The following AGBL4 variants were observed in gnomAD, a reference collection of about 807,000 sequenced individuals.
AGBL4 encodes the protein AGBL carboxypeptidase 4, also known as cytosolic carboxypeptidase 6.
In AGBL4, 58 loss-of-function variants were observed where a neutral mutation model predicts 66.4. The observed-to-expected ratio is 0.87, with a 90% CI of 0.71 to 1.09. AGBL4 has a LOEUF of 1.09. Ranked by LOEUF, AGBL4 falls within the 50% of genes least tolerant of loss-of-function variation. The pLI is 0.00. For missense variants in AGBL4, 579 were observed against 631.0 expected (o/e 0.92, Z 0.88); for synonymous variants, 234 against 222.9 (o/e 1.05, Z -0.44).
At chr1:49,612,165 T>A (rs1645167085) in intron 3 of AGBL4, among the ~76,000 whole-genome samples, 1 of 152,314 alleles carries the variant, frequency 6.6e-6, no homozygotes, top group East Asian at 1.9e-4. Context: ...TTGCAGATGG[T>A]GACCTAATCC....
At chr1:49,324,530 G>A (rs1000605393) in intron 3 of AGBL4, among the ~76,000 whole-genome samples, 4 of 152,214 alleles carry the variant, frequency 2.6e-5, no homozygotes, top group African/African-American at 9.6e-5. Flanking sequence ...CTGGCACCAA[G>A]ACTGCCTTCC....
intron 1 of AGBL4, among the ~76,000 whole-genome samples, chr1:50,012,165 CAAAAAAAAA>C (rs34501869): frequency 2.1e-5 from 1 of 47,776 alleles, no homozygotes; most frequent in African/African-American, 7.3e-5. Flanking sequence ...GACTCCGTCT[CAAAAAAAAA>C]AAAAAAAAAA....
intron 3 of AGBL4, among the ~76,000 whole-genome samples, chr1:49,325,745 G>A (rs950319309): frequency 2.6e-5 from 4 of 152,198 alleles, no homozygotes; most frequent in Non-Finnish European, 4.4e-5. Flanking sequence ...CAGATGCCTG[G>A]TGGGAAGAGA....
intron 6 of AGBL4, among the ~76,000 whole-genome samples, chr1:48,664,200 T>C (rs1646151269): frequency 6.6e-6 from 1 of 152,126 alleles, no homozygotes; most frequent in African/African-American, 2.4e-5. Flanking sequence ...AACTGTGAGC[T>C]CCAGAGAGGG....
downstream of AGBL4, among the ~76,000 whole-genome samples, chr1:48,531,524 A>G (rs1055872760): frequency 1.6e-4 from 24 of 152,098 alleles, no homozygotes; most frequent in African/African-American, 5.6e-4. Flanking sequence ...TGGTCTTCCA[A>G]AGGAACCCAT....
At chr1:49,401,031 T>A (rs1462533343) in intron 3 of AGBL4, among the ~76,000 whole-genome samples, 1 of 152,116 alleles carries the variant, frequency 6.6e-6, no homozygotes, top group Non-Finnish European at 1.5e-5. Context: ...GGATGTTGAG[T>A]GTTATCAAAT....
rs139220317 is a variant in AGBL4, at chr1:49,834,743, C to T, written c.157+16653G>A. Among the ~76,000 whole-genome samples, 450 of 152,260 alleles carry T rather than the reference C, an allele frequency of 3.0e-3. 25 individuals are homozygous for T. The East Asian group carries it at 0.073, about 25-fold the overall frequency. On this transcript the variant is annotated intron_variant, in intron 2 of 13. Transcript: ENST00000371839. ...AATTTCCCTCTAAACACTGCTTTAACTGTGTCTTGGAGATTCTGGTACATT... is the reference window on the plus strand; with the variant it reads ...AATTTCCCTCTAAACACTGCTTTAATTGTGTCTTGGAGATTCTGGTACATT...
chr1:49,485,103 C>G (rs996748373), intron 3 of AGBL4, among the ~76,000 whole-genome samples: 6 of 151,876 alleles, frequency 4.0e-5, no homozygotes, highest in Non-Finnish European at 8.8e-5. Flanking sequence ...CATCCCATTA[C>G]TGGGTATATA....
intron 6 of AGBL4, among the ~76,000 whole-genome samples, chr1:48,748,960 T>C (rs924007202): frequency 4.6e-5 from 7 of 152,032 alleles, no homozygotes; most frequent in African/African-American, 1.4e-4. Flanking sequence ...CTGACACAGA[T>C]GCCTCCACAG....
In AGBL4 at chr1:49,464,240, G is replaced by A. The variant is rs117708711; in HGVS notation, c.283-218376C>T. 8.0e-3 allele frequency among the ~76,000 whole-genome samples: 1,220 copies of A among 151,794 alleles called. 15 individuals are homozygous for A. The highest frequency in any genetic ancestry group is 0.031 in the Middle Eastern group (9 of 294). ...GGGCTGAATTTTGAAATACCACTTG[G>A]CAATATATATACTCTCACTTGATTA... On this transcript the variant is annotated intron_variant, in intron 3 of 13. Transcript: ENST00000371839.
intron 2 of AGBL4, among the ~76,000 whole-genome samples, chr1:49,840,764 T>C (rs1270432433): frequency 6.6e-6 from 1 of 152,122 alleles, no homozygotes; most frequent in South Asian, 2.1e-4. Flanking sequence ...ACCATCTCAA[T>C]AGAGAAAGAA....
chr1:49,153,652 G>A (rs1646379848), intron 4 of AGBL4, among the ~76,000 whole-genome samples: 1 of 151,294 alleles, frequency 6.6e-6, no homozygotes, highest in Admixed American at 6.6e-5. Flanking sequence ...CAGAATTCAG[G>A]AGTTTTAGCC....
intron 11 of AGBL4, among the ~76,000 whole-genome samples, chr1:48,542,015 C>T (rs1644081049): frequency 6.6e-6 from 1 of 152,096 alleles, no homozygotes; most frequent in South Asian, 2.1e-4. Context: ...TGACTGGCCC[C>T]AGTGTGTGTT....
At chr1:48,663,036 T>C in intron 7 of AGBL4, 116 bp downstream of exon 7, 2 of 901,252 alleles carry the variant, frequency 2.2e-6, no homozygotes, top group Non-Finnish European at 3.5e-6. Flanking sequence ...TTTAAAGAAA[T>C]GCATTAAATT....
chr1:49,208,894 C>T (rs546061890), intron 4 of AGBL4, among the ~76,000 whole-genome samples: 50 of 152,154 alleles, frequency 3.3e-4, no homozygotes, highest in African/African-American at 1.2e-3. Context: ...TACGCAAACA[C>T]ACACACAAAC....
intron 6 of AGBL4, among the ~76,000 whole-genome samples, chr1:48,847,985 G>A (rs1248179270): frequency 2.0e-5 from 3 of 152,152 alleles, no homozygotes; most frequent in Non-Finnish European, 4.4e-5. Flanking sequence ...TGTCTCATCA[G>A]AAGAACTGCC....
At chr1:48,831,590 C>G (rs1456605286) in intron 6 of AGBL4, among the ~76,000 whole-genome samples, 1 of 152,224 alleles carries the variant, frequency 6.6e-6, no homozygotes, top group Non-Finnish European at 1.5e-5. Flanking sequence ...GAAGCAAGGA[C>G]AATGTATCCT....
At chr1:49,098,976 G>T (rs1046382281) in intron 4 of AGBL4, among the ~76,000 whole-genome samples, 1 of 152,150 alleles carries the variant, frequency 6.6e-6, no homozygotes, top group African/African-American at 2.4e-5. Flanking sequence ...CCGGCACGAG[G>T]TCTCAAGGCA....
intron 3 of AGBL4, among the ~76,000 whole-genome samples, chr1:49,557,634 T>A (rs1229941922): frequency 6.6e-6 from 1 of 152,012 alleles, no homozygotes; most frequent in Non-Finnish European, 1.5e-5. Flanking sequence ...TCAACTTGAG[T>A]TCCTGCAAAC....
Sources: gnomAD v4.1 joint callset for allele counts (sites outside exome capture counted in the v4.1 genomes callset) on GRCh38, gnomAD v4.1.1 for gene constraint, MANE v1.5 for transcripts, NCBI Gene and HGNC (gene_info 2026-07-23, HGNC 2026-07-21) for gene names.